The following RHBDL2 variants were observed in gnomAD, a reference collection of about 807,000 sequenced individuals.
RHBDL2 encodes rhomboid like 2.
RHBDL2 carries 26 observed loss-of-function variants against 31.7 expected under a neutral mutation model. The observed-to-expected ratio is 0.82, with a 90% CI of 0.60 to 1.14. The LOEUF (loss-of-function observed/expected upper bound fraction) is 1.14, where lower values mean the gene tolerates loss of function less well. Ranked by LOEUF, RHBDL2 falls within the 50% of genes most tolerant of loss-of-function variation. The pLI, the probability that RHBDL2 is intolerant of heterozygous loss-of-function variation, is 0.00. For synonymous variants in RHBDL2, 123 were observed against 127.2 expected (o/e 0.97, Z 0.22); for missense variants, 336 against 364.4 (o/e 0.92, Z 0.63).
chr1:38,913,977 C>T (rs368944646), intron 3 of RHBDL2, among the ~76,000 whole-genome samples: 1 of 151,962 alleles, frequency 6.6e-6, no homozygotes, highest in East Asian at 2.0e-4. Flanking sequence ...ATTAGCTGGG[C>T]GTGGTGGCAC....
chr1:38,915,421 G>A (rs1448942113), intron 3 of RHBDL2, 141 bp downstream of exon 3: 1 of 759,710 alleles, frequency 1.3e-6, no homozygotes, highest in Non-Finnish European at 2.1e-6. Flanking sequence ...TAAAACAGTG[G>A]GAGCAATACC....
At chr1:38,914,118 A>G (rs1025617883) in intron 3 of RHBDL2, among the ~76,000 whole-genome samples, 4 of 151,682 alleles carry the variant, frequency 2.6e-5, no homozygotes, top group African/African-American at 9.7e-5. Flanking sequence ...TCTATCTCAA[A>G]AAAAAAAAAG....
intron 6 of RHBDL2, among the ~76,000 whole-genome samples, chr1:38,891,922 G>A (rs755235163): frequency 3.9e-5 from 6 of 152,136 alleles, no homozygotes; most frequent in African/African-American, 1.4e-4. Flanking sequence ...AGCCCTCCAG[G>A]TGGAGAGAAC....
At chr1:38,921,545 A>G (rs1272212135) in intron 1 of RHBDL2, among the ~76,000 whole-genome samples, 8 of 152,218 alleles carry the variant, frequency 5.3e-5, no homozygotes, top group African/African-American at 1.9e-4. Flanking sequence ...ACTGGGAATC[A>G]GATCAAATTC....
At chr1:38,891,279 A>AAG (rs1553157765) in intron 6 of RHBDL2, among the ~76,000 whole-genome samples, 10 of 151,330 alleles carry the variant, frequency 6.6e-5, no homozygotes, top group Admixed American at 1.3e-4. Flanking sequence ...AAAAAAAAAA[A>AAG]AAGAAGAATA....
At chr1:38,941,149 A>G (rs1643556261) in intron 1 of RHBDL2, among the ~76,000 whole-genome samples, 1 of 152,190 alleles carries the variant, frequency 6.6e-6, no homozygotes, top group South Asian at 2.1e-4. Context: ...ACAAATGAAC[A>G]CTAATGAATA....
rs1557608827 is a variant in RHBDL2 at position 38,894,697 on chromosome 1, C to CTTTTCTTTTCTTTTTTTT, written c.609+1271_609+1272insAAAAAAAAGAAAAGAAAA. 7.4e-5 allele frequency among the ~76,000 whole-genome samples: 5 copies of CTTTTCTTTTCTTTTTTTT among 67,404 alleles called. 1 individual carries two copies. The highest frequency in any genetic ancestry group is 1.9e-4 in the Admixed American group (1 of 5,252). The allele number at this position is 67,404 out of a possible 152,430, so 44.2% of individuals were successfully genotyped here. A position where few individuals can be genotyped will look rare whatever the true frequency, so the allele number is the denominator to read the frequency against. Reference sequence around the variant, plus strand: ...AAAAAGCATTTCTTTTCTTTTTTTTCTTTTTTTTTCTTTTTTTTTTTTTTT... The same window carrying CTTTTCTTTTCTTTTTTTT: ...AAAAAGCATTTCTTTTCTTTTTTTTCTTTTCTTTTCTTTTTTTTTTTTTTTTTCTTTTTTTTTTTTTTT... On this transcript the variant is annotated intron_variant, in intron 5 of 7. Coordinates refer to ENST00000372990, the MANE Select transcript of RHBDL2 (RefSeq NM_017821.5).
intron 1 of RHBDL2, among the ~76,000 whole-genome samples, chr1:38,920,962 C>T (rs1046029218): frequency 1.3e-5 from 2 of 152,080 alleles, no homozygotes; most frequent in African/African-American, 4.8e-5. Flanking sequence ...GAGCATATAC[C>T]TATGAGTGGA....
At chr1:38,921,151 G>A (rs1446751416) in intron 1 of RHBDL2, among the ~76,000 whole-genome samples, 1 of 152,318 alleles carries the variant, frequency 6.6e-6, no homozygotes, top group Middle Eastern at 3.4e-3. Context: ...GCTCACGCCT[G>A]TAATCCCATC....
intron 1 of RHBDL2, among the ~76,000 whole-genome samples, chr1:38,928,434 G>A (rs1242024210): frequency 5.4e-5 from 3 of 55,356 alleles, no homozygotes; most frequent in Non-Finnish European, 1.2e-4. Context: ...GAGCCACGGC[G>A]CCCGGCCATG....
intron 3 of RHBDL2, 56 bp downstream of exon 3, chr1:38,915,506 G>A (rs754620219): frequency 6.6e-5 from 103 of 1,562,526 alleles, no homozygotes; most frequent in Middle Eastern, 5.1e-4. Flanking sequence ...ACAAATGTTA[G>A]AGGTTACAAT....
In RHBDL2 at chr1:38,887,988, A is replaced by G. The variant is rs764560838; in HGVS notation, c.707T>C (p.Phe236Ser). 3.7e-6 allele frequency: 6 copies of G among 1,612,830 alleles called. No homozygotes were observed. Among genetic ancestry groups the G allele is most frequent in the Non-Finnish European group, 5.1e-6 (6 of 1,178,930 alleles). ...LDMGFALYRR[F>S]FVPEDGSPVS... ...CGGAGACCCATCTTCAGGAACAAAG[A>G]ACCTTCTATAGAGAGCAAATCCCAT... Residue 236 changes from phenylalanine to serine, a missense_variant, in exon 7 of 8, where the codon TTC becomes TCC. Coordinates refer to ENST00000372990, the MANE Select transcript of RHBDL2 (RefSeq NM_017821.5).
intron 1 of RHBDL2, among the ~76,000 whole-genome samples, chr1:38,930,364 A>G (rs1344858751): frequency 6.6e-6 from 1 of 152,224 alleles, no homozygotes; most frequent in Non-Finnish European, 1.5e-5. Flanking sequence ...AAAAAGAGGC[A>G]TCCATGATTA....
At chr1:38,887,002 T>A (rs558611359) in intron 7 of RHBDL2, among the ~76,000 whole-genome samples, 1 of 152,348 alleles carries the variant, frequency 6.6e-6, no homozygotes, top group South Asian at 2.1e-4. Flanking sequence ...AATGGTTGAG[T>A]TGCCATGAGG....
At chr1:38,898,008 G>A (rs1642942367) in intron 4 of RHBDL2, among the ~76,000 whole-genome samples, 2 of 152,182 alleles carry the variant, frequency 1.3e-5, no homozygotes, top group South Asian at 4.1e-4. Context: ...GCAGACACCT[G>A]TAATCCCAGC....
intron 7 of RHBDL2, among the ~76,000 whole-genome samples, chr1:38,887,211 T>G (rs1008322949): frequency 1.3e-5 from 2 of 152,174 alleles, no homozygotes; most frequent in African/African-American, 4.8e-5. Flanking sequence ...CCAATCTGTT[T>G]TTTTGTTTTG....
intron 1 of RHBDL2, among the ~76,000 whole-genome samples, chr1:38,928,542 G>A (rs557434508): frequency 3.3e-5 from 5 of 152,066 alleles, no homozygotes; most frequent in African/African-American, 4.8e-5. Flanking sequence ...CACCTCCTAA[G>A]TTCAAGAGAG....
intron 4 of RHBDL2, among the ~76,000 whole-genome samples, chr1:38,897,153 T>A (rs983210020): frequency 1.3e-5 from 2 of 150,734 alleles, no homozygotes; most frequent in African/African-American, 2.4e-5. Flanking sequence ...CAGGCTGGAG[T>A]GCAGTGGCGT....
rs191649593 is a variant in RHBDL2, at chr1:38,904,645, T to A, written c.508+6677A>T. On this transcript the variant is annotated intron_variant, in intron 4 of 7. Transcript: ENST00000372990. Reference sequence around the variant, plus strand: ...GAGTTTGAGACTAGTCTAGGTAATATGGCAAAACACTGTCTCTACAGAAAT... The same window carrying A: ...GAGTTTGAGACTAGTCTAGGTAATAAGGCAAAACACTGTCTCTACAGAAAT... Among the ~76,000 whole-genome samples, 17 of 150,702 alleles carry A rather than the reference T, an allele frequency of 1.1e-4. 1 individual carries two copies. The highest frequency in any genetic ancestry group is 1.1e-3 in the Admixed American group (17 of 15,134).
Sources: gnomAD v4.1 joint callset for allele counts (sites outside exome capture counted in the v4.1 genomes callset) on GRCh38, gnomAD v4.1.1 for gene constraint, MANE v1.5 for transcripts, NCBI Gene and HGNC (gene_info 2026-07-23, HGNC 2026-07-21) for gene names.